The following ZNF138 variants were observed in gnomAD, a reference collection of about 807,000 sequenced individuals.
ZNF138 encodes zinc finger protein 138 (clone pHZ-32).
ZNF138 carries 33 observed loss-of-function variants against 33.0 expected under a neutral mutation model. That is an observed-to-expected ratio of 1.00 (90% confidence interval 0.76 to 1.34). ZNF138 has a LOEUF of 1.34. Among genes scored for constraint, ZNF138 ranks in the 40% most tolerant of loss-of-function variants. The pLI, the probability that ZNF138 is intolerant of heterozygous loss-of-function variation, is 0.00. For missense variants in ZNF138, 360 were observed against 370.8 expected (o/e 0.97, Z 0.24); for synonymous variants, 139 against 120.4 (o/e 1.15, Z -1.01).
At chr7:64,843,983 C>A in the ZNF138 span, among the ~76,000 whole-genome samples, 1 of 152,078 alleles carries the variant, frequency 6.6e-6, no homozygotes, top group Non-Finnish European at 1.5e-5. Flanking sequence ...GCCACCATGC[C>A]CAGCTAATTT....
At chr7:64,835,698 T>TAC (rs1790347504), downstream of ZNF138, 2 of 152,242 alleles carry the variant, frequency 1.3e-5, no homozygotes, top group Non-Finnish European at 1.5e-5. Context: ...TGTTCTGTGC[T>TAC]GCGACCTGTG....
At chr7:64,815,097 T>C in intron 2 of ZNF138, 53 bp downstream of exon 2, 1 of 1,419,146 alleles carries the variant, frequency 7.0e-7, no homozygotes. Flanking sequence ...GTTTCATTTT[T>C]TTTTTTTTTT....
intron 3 of ZNF138, among the ~76,000 whole-genome samples, chr7:64,821,324 T>A (rs1377617212): frequency 6.6e-6 from 1 of 151,204 alleles, no homozygotes; most frequent in African/African-American, 2.5e-5. Flanking sequence ...CTCGTGACAT[T>A]GTGATCCACC....
At chr7:64,835,380 A>G (rs913890891), downstream of ZNF138, 1 of 152,138 alleles carries the variant, frequency 6.6e-6, no homozygotes, top group African/African-American at 2.4e-5. Flanking sequence ...GTTGAAAGTG[A>G]CCCTGGTGAT....
At chr7:64,821,152 CAATCTCGGCTCGCT>C (rs368504365) in intron 3 of ZNF138, among the ~76,000 whole-genome samples, 140,666 of 150,128 alleles carry the variant, frequency 0.94, 66,091 homozygotes, top group South Asian at 0.98. Flanking sequence ...TGCAGTGGTG[CAATCTCGGCTCGCT>C]GCAACCTCCA....
chr7:64,820,613 G>T (rs2129006796), intron 3 of ZNF138, among the ~76,000 whole-genome samples: 1 of 151,690 alleles, frequency 6.6e-6, no homozygotes, highest in East Asian at 1.9e-4. Flanking sequence ...ACCCAGGCTG[G>T]AGTGCTGTGA....
At chr7:64,823,774 C>G (rs763525020) in intron 3 of ZNF138, among the ~76,000 whole-genome samples, 2 of 152,110 alleles carry the variant, frequency 1.3e-5, no homozygotes, top group Non-Finnish European at 2.9e-5. Context: ...CTCATCTCTA[C>G]TAAAAATACA....
chr7:64,801,954 A>G (rs1787169293), intron 1 of ZNF138, among the ~76,000 whole-genome samples: 1 of 152,332 alleles, frequency 6.6e-6, no homozygotes, highest in African/African-American at 2.4e-5. Context: ...CAAACTCTGT[A>G]AAATATTTTA....
At chr7:64,802,195 A>G (rs999057542) in intron 1 of ZNF138, among the ~76,000 whole-genome samples, 5 of 151,150 alleles carry the variant, frequency 3.3e-5, no homozygotes, top group Non-Finnish European at 5.9e-5. Flanking sequence ...TCCGGTTGAC[A>G]GTTGGTTGAG....
At chr7:64,839,797 C>T in the ZNF138 span, among the ~76,000 whole-genome samples, 12 of 151,996 alleles carry the variant, frequency 7.9e-5, no homozygotes, top group Non-Finnish European at 1.5e-4. Context: ...TGTCCCCTCC[C>T]GTGTTTCGGC....
intron 3 of ZNF138, among the ~76,000 whole-genome samples, chr7:64,825,591 G>A (rs967901174): frequency 6.7e-6 from 1 of 148,470 alleles, no homozygotes; most frequent in African/African-American, 2.5e-5. Flanking sequence ...CCAAGCTGGA[G>A]TGCAGTGGCA....
At chr7:64,844,878 G>C in the ZNF138 span, among the ~76,000 whole-genome samples, 1 of 152,112 alleles carries the variant, frequency 6.6e-6, no homozygotes, top group African/African-American at 2.4e-5. Flanking sequence ...GAAGAGACGG[G>C]GTTTCACCAT....
At position 64,832,125 on chromosome 7, in the gene ZNF138, A is replaced by G; in HGVS notation, c.883A>G (p.Thr295Ala). 1 of 1,612,908 alleles carries G rather than the reference A, an allele frequency of 6.2e-7. No individual in the cohort carries two copies. The highest frequency in any genetic ancestry group is 8.5e-7 in the Non-Finnish European group (1 of 1,179,750). ...GKVFKQSPTL[T>A]KHQIIYTGEE... ...GGTCTTTAAGCAGTCCCCAACCCTT[A>G]CTAAACATCAGATAATTTATACTGG... Residue 295 changes from threonine to alanine, a missense_variant, in exon 4 of 4, where the codon ACT becomes GCT. Thr to Ala is a moderately conservative substitution (Grantham distance 58, BLOSUM62 0). Transcript: ENST00000307355.
chr7:64,796,694 T>C (rs1462102592), intron 1 of ZNF138, among the ~76,000 whole-genome samples: 1 of 152,228 alleles, frequency 6.6e-6, no homozygotes, highest in African/African-American at 2.4e-5. Context: ...GCTTTTAGAA[T>C]GCTACCAAGG....
chr7:64,833,633 G>A lies in ZNF138; in HGVS notation c.*1431G>A, dbSNP rs1297220194. 1 of 152,336 alleles carries A rather than the reference G, an allele frequency of 6.6e-6. No homozygotes were observed. 9.4% of individuals were successfully genotyped at this position (152,336 alleles called of 1,614,324 possible). On this transcript the variant is annotated 3_prime_UTR_variant, in exon 4 of 4. Transcript: ENST00000307355. Reference sequence around the variant, plus strand: ...CTTACATCTTATTCAACATTAGAGAGTTAGTACTTAATAAAAGCATTATAA... The same window carrying A: ...CTTACATCTTATTCAACATTAGAGAATTAGTACTTAATAAAAGCATTATAA...
At chr7:64,816,507 G>A (rs1788651059) in intron 3 of ZNF138, among the ~76,000 whole-genome samples, 1 of 151,766 alleles carries the variant, frequency 6.6e-6, no homozygotes, top group African/African-American at 2.4e-5. Context: ...TAAGTATATG[G>A]AACCATAATT....
At chr7:64,804,859 G>A (rs1057306189) in intron 1 of ZNF138, among the ~76,000 whole-genome samples, 4 of 152,148 alleles carry the variant, frequency 2.6e-5, no homozygotes, top group South Asian at 2.1e-4. Context: ...AGATGAGAGC[G>A]GCAGAGATGG....
At chr7:64,808,420 A>T (rs1787787872) in intron 1 of ZNF138, among the ~76,000 whole-genome samples, 1 of 152,198 alleles carries the variant, frequency 6.6e-6, no homozygotes, top group Admixed American at 6.5e-5. Context: ...AGTCTTGACT[A>T]GCAACTGAAT....
At chr7:64,858,351 G>A in the ZNF138 span, among the ~76,000 whole-genome samples, 1 of 152,162 alleles carries the variant, frequency 6.6e-6, no homozygotes. Context: ...ATTCACAGAA[G>A]AAAGAGGAGG....
Sources: allele counts gnomAD v4.1 joint callset (sites outside exome capture counted in the v4.1 genomes callset), GRCh38; gene constraint gnomAD v4.1.1; transcripts MANE v1.5; gene names NCBI Gene and HGNC (gene_info 2026-07-23, HGNC 2026-07-21).